Variants in USH2A observed in about 807,000 individuals in gnomAD.
The protein encoded by USH2A is usherin, also known as Usher syndrome 2A (autosomal recessive, mild).
In USH2A, 443 loss-of-function variants were observed where a neutral mutation model predicts 538.9. The observed-to-expected ratio is 0.82, with a 90% confidence interval of 0.76 to 0.89. The LOEUF is 0.89. Ranked by LOEUF, USH2A falls within the 40% of genes least tolerant of loss-of-function variation. The pLI is 0.00. For synonymous variants in USH2A, 2,413 were observed against 2,273.5 expected (o/e 1.06, Z -1.75); for missense variants, 6,633 against 6,324.8 (o/e 1.05, Z -1.65).
At chr1:216,294,950 G>A (rs2037074801) in intron 9 of USH2A, among the ~76,000 whole-genome samples, 1 of 151,642 alleles carries the variant, frequency 6.6e-6, no homozygotes, top group African/African-American at 2.4e-5. Flanking sequence ...CTGTAAAACA[G>A]TGAAGATTTA....
chr1:215,679,747 G>C (rs1658162617), intron 62 of USH2A, among the ~76,000 whole-genome samples: 1 of 152,188 alleles, frequency 6.6e-6, no homozygotes. Context: ...AAATAACTGG[G>C]TAGGGTAATT....
At chr1:215,667,641 T>C (rs1052846386) in intron 64 of USH2A, among the ~76,000 whole-genome samples, 1 of 150,584 alleles carries the variant, frequency 6.6e-6, no homozygotes, top group Non-Finnish European at 1.5e-5. Context: ...GAGGTTACAG[T>C]GAGCCAAGAT....
rs775386111 is a variant in USH2A, at chr1:215,813,901, A to C, written c.9574T>G (p.Cys3192Gly). The change falls in exon 49 of 72, where the codon TGT becomes GGT. Residue 3192 changes from cysteine to glycine, a missense_variant. Physicochemically the swap from Cys to Gly is radical, Grantham distance 159. Transcript: ENST00000307340. ...HICYSSEAKV[C>G]CNGVLYNPKP... The stretch of plus-strand genomic sequence containing the variant: ...GGGTTATAGAGCACTCCGTTACAAC[A>C]AACCTGAAAGTTTGAAAACAGTTTT... 2 of 1,613,754 alleles carry C rather than the reference A, an allele frequency of 1.2e-6. No homozygotes were observed. Among genetic ancestry groups the C allele is most frequent in the South Asian group, 2.2e-5 (2 of 91,078 alleles).
rs1656111213 is a variant in USH2A at position 215,627,748 on chromosome 1, TC to T, written c.15519+1065del. On this transcript the variant is annotated intron_variant, in intron 71 of 71. Coordinates refer to ENST00000307340, the MANE Select transcript of USH2A (RefSeq NM_206933.4). ...ACCATGTTGGTCAGGCTGGTCTCTA[TC>T]TAACTCTGGACCTCGTGATCCGCCC... Among the ~76,000 whole-genome samples the T allele has an allele frequency of 2.0e-5, 3 of 152,162 alleles. No homozygotes were observed. The South Asian group carries it at 6.2e-4, about 32-fold the overall frequency.
intron 60 of USH2A, among the ~76,000 whole-genome samples, chr1:215,732,806 G>T (rs1337745083): frequency 1.3e-5 from 2 of 151,802 alleles, no homozygotes; most frequent in Admixed American, 6.6e-5. Flanking sequence ...CTCCCAAAGT[G>T]CTGGGATTAC....
rs748666515 is a variant in USH2A, at chr1:215,634,519, C to T, written c.15237G>A (p.Leu5079=). 3.1e-6 allele frequency: 5 copies of T among 1,614,154 alleles called. No homozygotes were observed. The highest frequency in any genetic ancestry group is 2.2e-5 in the East Asian group (1 of 44,878). Residue 5079 remains leucine (L), a synonymous_variant, in exon 70 of 72, where the codon TTG becomes TTA. Coordinates refer to ENST00000307340, the MANE Select transcript of USH2A (RefSeq NM_206933.4). ...KEPYIRERPP[L]VPLQKRMSPL... Reference sequence around the variant, plus strand: ...GAGACATCCTCTTCTGAAGAGGTACCAAGGGAGGTCTTTCTCTGATATATG... The same window carrying T: ...GAGACATCCTCTTCTGAAGAGGTACTAAGGGAGGTCTTTCTCTGATATATG...
At chr1:216,198,253 A>C in intron 18 of USH2A, 62 bp downstream of exon 18, 1 of 1,610,230 alleles carries the variant, frequency 6.2e-7, no homozygotes, top group South Asian at 1.1e-5. Flanking sequence ...CTTTGACTTT[A>C]ATTTGAGGAA....
chr1:215,773,498 C>T (rs1302431419), intron 55 of USH2A, among the ~76,000 whole-genome samples: 10 of 145,726 alleles, frequency 6.9e-5, no homozygotes, highest in African/African-American at 2.8e-4. Context: ...CTCTGTCTCT[C>T]TCTCTCTCTC....
intron 21 of USH2A, among the ~76,000 whole-genome samples, chr1:216,103,296 C>T (rs1175273098): frequency 6.6e-6 from 1 of 152,214 alleles, no homozygotes; most frequent in Non-Finnish European, 1.5e-5. Context: ...CTACTTTTTG[C>T]ACTTTTCTGT....
chr1:216,054,676 C>T (rs2030913603), intron 30 of USH2A, among the ~76,000 whole-genome samples: 1 of 152,104 alleles, frequency 6.6e-6, no homozygotes, highest in African/African-American at 2.4e-5. Flanking sequence ...CACCCCACCC[C>T]CAGCTGCCAA....
chr1:215,904,106 C>T (rs532611813), intron 38 of USH2A, among the ~76,000 whole-genome samples: 21 of 151,970 alleles, frequency 1.4e-4, no homozygotes, highest in African/African-American at 5.1e-4. Flanking sequence ...CATATAAAAC[C>T]ATGTCTCTCT....
chr1:215,661,619 A>G (rs1657439945), intron 64 of USH2A, among the ~76,000 whole-genome samples: 1 of 152,174 alleles, frequency 6.6e-6, no homozygotes, highest in Non-Finnish European at 1.5e-5. Flanking sequence ...GAACCATTAC[A>G]TGGGTACCAA....
At chr1:216,257,354 G>C (rs1040388367) in intron 11 of USH2A, among the ~76,000 whole-genome samples, 2 of 151,660 alleles carry the variant, frequency 1.3e-5, no homozygotes, top group East Asian at 3.9e-4. Flanking sequence ...TTGCCCCACT[G>C]TCTTCTTCTT....
chr1:216,026,876 C>T (rs1185562188), intron 32 of USH2A, among the ~76,000 whole-genome samples: 1 of 152,078 alleles, frequency 6.6e-6, no homozygotes, highest in African/African-American at 2.4e-5. Flanking sequence ...TATATTTTCC[C>T]TGCCTCATTA....
At chr1:216,333,212 G>A (rs1414719336) in intron 4 of USH2A, among the ~76,000 whole-genome samples, 3 of 152,032 alleles carry the variant, frequency 2.0e-5, no homozygotes, top group Admixed American at 1.3e-4. Flanking sequence ...GGGAGGCTGA[G>A]GTGGGAGGAT....
chr1:216,226,335 A>G (rs2035560525), intron 14 of USH2A, among the ~76,000 whole-genome samples: 1 of 152,250 alleles, frequency 6.6e-6, no homozygotes, highest in Non-Finnish European at 1.5e-5. Context: ...GAAAATAGAA[A>G]GTCTAATCCT....
At chr1:215,943,433 A>G (rs1666685913) in intron 37 of USH2A, among the ~76,000 whole-genome samples, 1 of 152,312 alleles carries the variant, frequency 6.6e-6, no homozygotes, top group Non-Finnish European at 1.5e-5. Flanking sequence ...TAATTAATGC[A>G]TAAGTAAAAA....
At chr1:216,011,049 A>G (rs535338561) in intron 32 of USH2A, among the ~76,000 whole-genome samples, 69 of 152,228 alleles carry the variant, frequency 4.5e-4, no homozygotes, top group African/African-American at 1.6e-3. Flanking sequence ...CTGCTACAGC[A>G]TGGCCTTTTA....
chr1:215,659,202 A>G (rs1657362451), intron 64 of USH2A, among the ~76,000 whole-genome samples: 1 of 152,254 alleles, frequency 6.6e-6, no homozygotes, highest in African/African-American at 2.4e-5. Flanking sequence ...TGGCTTATCC[A>G]GGAGGTTCTC....
Sources: allele counts gnomAD v4.1 joint callset (sites outside exome capture counted in the v4.1 genomes callset), GRCh38; gene constraint gnomAD v4.1.1; transcripts MANE v1.5; gene names NCBI Gene and HGNC (gene_info 2026-07-23, HGNC 2026-07-21).